STAB2: variants seen among roughly 807,000 people sequenced by gnomAD.
STAB2 encodes the protein stabilin-2.
In STAB2, 288 loss-of-function variants were observed where a neutral mutation model predicts 338.1. The ratio of observed to expected loss-of-function variants is 0.85; its 90% CI spans 0.77 to 0.94. STAB2 has a LOEUF of 0.94. STAB2 is among the 40% of genes least tolerant of loss of function. STAB2 has a pLI of 0.00. For synonymous variants in STAB2, 1,202 were observed against 1,193.3 expected (o/e 1.01, Z -0.15); for missense variants, 3,141 against 3,210.1 (o/e 0.98, Z 0.52).
At chr12:103,630,884 G>A (rs1035217580) in intron 5 of STAB2, among the ~76,000 whole-genome samples, 2 of 152,206 alleles carry the variant, frequency 1.3e-5, no homozygotes, top group African/African-American at 4.8e-5. Context: ...AGATAAATTT[G>A]TGTTGTTTTA....
Position 103,699,157 on chromosome 12 carries a change from A to G in STAB2, c.3644A>G (p.His1215Arg). 1 of 1,613,768 alleles carries G rather than the reference A, an allele frequency of 6.2e-7. No individual in the cohort carries two copies. Among genetic ancestry groups the G allele is most frequent in the Non-Finnish European group, 8.5e-7 (1 of 1,179,754 alleles). ...GAGAAACTCCTGAAGAATGACCTGC[A>G]CAATGGCATGCATCGTGAGACCATG... ...LEEKLLKNDL[H>R]NGMHRETMLG... Residue 1215 changes from histidine to arginine, a missense_variant, in exon 34 of 69, where the codon CAC becomes CGC. Physicochemically the swap from His to Arg is conservative, Grantham distance 29. Transcript: ENST00000388887.
At chr12:103,652,412 T>C (rs1375134359) in intron 11 of STAB2, 144 bp from the exon 12 acceptor site, 1 of 621,626 alleles carries the variant, frequency 1.6e-6, no homozygotes, top group Non-Finnish European at 2.6e-6. Context: ...TTGTCAGTGC[T>C]TTCATGCATT....
chr12:103,603,852 C>G (rs58261212), intron 3 of STAB2, among the ~76,000 whole-genome samples: 48,589 of 151,718 alleles, frequency 0.32, 9,856 homozygotes, highest in African/African-American at 0.58. Context: ...CATAACGACC[C>G]CGTAGCTCTC....
intron 25 of STAB2, among the ~76,000 whole-genome samples, chr12:103,680,091 C>T (rs1303346869): frequency 6.6e-6 from 1 of 152,066 alleles, no homozygotes; most frequent in Non-Finnish European, 1.5e-5. Flanking sequence ...TTCATAGAGA[C>T]AGAAAGGAGA....
intron 9 of STAB2, among the ~76,000 whole-genome samples, chr12:103,641,020 A>C (rs1410629629): frequency 6.6e-6 from 1 of 152,230 alleles, no homozygotes; most frequent in African/African-American, 2.4e-5. Context: ...TTTGACTCGC[A>C]GACTGAGGTT....
intron 64 of STAB2, 96 bp from the exon 65 acceptor site, chr12:103,759,037 C>G: frequency 6.3e-7 from 1 of 1,596,312 alleles, no homozygotes; most frequent in Non-Finnish European, 8.6e-7. Flanking sequence ...AAAGCCTAGG[C>G]CATGAGAAGC....
At position 103,654,643 on chromosome 12, in the gene STAB2, A is replaced by C; in HGVS notation, c.1496A>C (p.His499Pro). The change falls in exon 13 of 69, where the codon CAC (histidine) becomes CCC (proline). Residue 499 changes from histidine (H) to proline (P), a missense_variant. Transcript: ENST00000388887. The part of the protein sequence containing the change: ...GDIIASNGLL[H>P]ILDRAMDKLE... ...ATCATTGCTTCCAATGGGCTTCTGC[A>C]CATCCTTGACAGAGCCATGGACAAG... 6.2e-7 allele frequency: 1 copy of C among 1,614,230 alleles called. No homozygotes were observed. Among genetic ancestry groups the C allele is most frequent in the East Asian group, 2.2e-5 (1 of 44,890 alleles).
intron 38 of STAB2, among the ~76,000 whole-genome samples, 190 bp from the exon 39 acceptor site, chr12:103,708,251 C>T (rs1879541206): frequency 6.6e-6 from 1 of 152,194 alleles, no homozygotes; most frequent in African/African-American, 2.4e-5. Flanking sequence ...AGAGCTAGTT[C>T]ACCTGTGAAC....
intron 9 of STAB2, 134 bp from the exon 10 acceptor site, chr12:103,648,556 C>A: frequency 8.6e-7 from 1 of 1,166,876 alleles, no homozygotes; most frequent in Non-Finnish European, 1.2e-6. Context: ...AGATACCACA[C>A]TAGGAATGCT....
chr12:103,611,425 C>A (rs1957120435), intron 3 of STAB2, among the ~76,000 whole-genome samples: 1 of 152,142 alleles, frequency 6.6e-6, no homozygotes, highest in African/African-American at 2.4e-5. Context: ...TTAAATTGAT[C>A]CCTTTACCAT....
At chr12:103,751,136 G>A (rs1883609681) in intron 60 of STAB2, among the ~76,000 whole-genome samples, 1 of 152,198 alleles carries the variant, frequency 6.6e-6, no homozygotes, top group Non-Finnish European at 1.5e-5. Flanking sequence ...GTGACTCAGG[G>A]CACTGCACTT....
In STAB2 at chr12:103,674,038, C is replaced by T. The variant is rs1417295326; in HGVS notation, c.2503C>T (p.Gln835Ter). The T allele has an allele frequency of 1.2e-6, 2 of 1,613,914 alleles. No individual in the cohort carries two copies. Among genetic ancestry groups the T allele is most frequent in the South Asian group, 1.1e-5 (1 of 91,088 alleles). ...GACCTCAGCCTGTGGGCCCTACGTG[C>T]AGTTCTGTCACATCCACGCCACCTG... ...KQTSACGPYV[Q>*]FCHIHATCEY... The change falls in exon 23 of 69, where the codon CAG becomes TAG. Residue 835 changes from glutamine to a stop codon, truncating the protein, a stop_gained. Coordinates refer to ENST00000388887, the MANE Select transcript of STAB2 (RefSeq NM_017564.10). LOFTEE classifies it high-confidence loss of function.
Position 103,668,694 on chromosome 12 carries a change from A to G in STAB2, c.2137A>G (p.Ser713Gly). The part of the protein sequence containing the change: ...VYSGRFGSLK[S>G]GCARYCNATV... ...CAGTGGCAGGTTTGGGAGCCTGAAG[A>G]GCGGCTGTGCCCGGTACTGCAATGC... Residue 713 changes from serine to glycine, a missense_variant, in exon 20 of 69, where the codon AGC (serine) becomes GGC (glycine). Ser to Gly is a moderately conservative substitution (Grantham distance 56). Transcript: ENST00000388887. 1 of 1,550,610 alleles carries G rather than the reference A, an allele frequency of 6.4e-7. No homozygotes were observed. Among genetic ancestry groups the G allele is most frequent in the Non-Finnish European group, 8.7e-7 (1 of 1,146,698 alleles).
chr12:103,628,679 G>A (rs529849378), intron 5 of STAB2, among the ~76,000 whole-genome samples: 18 of 152,244 alleles, frequency 1.2e-4, no homozygotes, highest in African/African-American at 4.3e-4. Flanking sequence ...TTCACCTAAT[G>A]TCTGTGGCAT....
At chr12:103,621,556 A>T (rs1957302325) in intron 4 of STAB2, among the ~76,000 whole-genome samples, 1 of 152,146 alleles carries the variant, frequency 6.6e-6, no homozygotes, top group Non-Finnish European at 1.5e-5. Context: ...AACATGGTGA[A>T]ACCTGTCTCT....
At chr12:103,636,293 C>T (rs138238787) in intron 6 of STAB2, among the ~76,000 whole-genome samples, 104 of 149,932 alleles carry the variant, frequency 6.9e-4, no homozygotes, top group African/African-American at 2.4e-3. Context: ...TGAGAACATG[C>T]GGTGTTTGGT....
intron 3 of STAB2, among the ~76,000 whole-genome samples, chr12:103,605,270 A>G (rs1422593137): frequency 2.0e-5 from 3 of 151,962 alleles, no homozygotes; most frequent in Non-Finnish European, 2.9e-5. Context: ...ATTTAATTCT[A>G]TTGTGGTCAG....
intron 3 of STAB2, among the ~76,000 whole-genome samples, chr12:103,606,248 A>G (rs1392400626): frequency 1.3e-5 from 2 of 152,196 alleles, no homozygotes; most frequent in Admixed American, 6.5e-5. Flanking sequence ...CAAGAATCTT[A>G]TAACAATATA....
intron 6 of STAB2, among the ~76,000 whole-genome samples, chr12:103,634,177 T>C (rs1333065775): frequency 2.6e-5 from 4 of 152,220 alleles, no homozygotes. Context: ...AACACTATGG[T>C]TTTAAAATTG....
Sources: allele counts gnomAD v4.1 joint callset (sites outside exome capture counted in the v4.1 genomes callset), GRCh38; gene constraint gnomAD v4.1.1; transcripts MANE v1.5; gene names NCBI Gene and HGNC (gene_info 2026-07-23, HGNC 2026-07-21).